Variants in LEMD2 observed in about 807,000 individuals in gnomAD.
LEMD2 encodes the protein LEM domain-containing protein 2.
In LEMD2, 34 loss-of-function variants were observed where a neutral mutation model predicts 58.8. The ratio of observed to expected loss-of-function variants is 0.58; its 90% CI spans 0.44 to 0.77. The LOEUF (loss-of-function observed/expected upper bound fraction) is 0.77, where lower values mean the gene tolerates loss of function less well. Among genes scored for constraint, LEMD2 ranks in the 30% least tolerant of loss-of-function variants. The pLI is 0.00. For missense variants in LEMD2, 629 were observed against 717.9 expected, an observed-to-expected ratio of 0.88 and a Z score of 1.42; for synonymous variants, 298 against 308.9, an observed-to-expected ratio of 0.96 and a Z score of 0.37.
intron 3 of LEMD2, among the ~76,000 whole-genome samples, chr6:33,782,756 G>A (rs1767593537): frequency 6.6e-6 from 1 of 152,230 alleles, no homozygotes; most frequent in Admixed American, 6.5e-5. Flanking sequence ...GGCAGGACCT[G>A]GAGCTGAGTC....
chr6:33,774,026 G>A (rs1321115963), intron 8 of LEMD2, among the ~76,000 whole-genome samples: 1 of 152,228 alleles, frequency 6.6e-6, no homozygotes, highest in Admixed American at 6.5e-5. Context: ...GCTAATGCAC[G>A]AAGGCTTGGG....
At chr6:33,780,248 T>C (rs1351815822) in intron 4 of LEMD2, 69 bp from the exon 5 acceptor site, 1 of 1,355,722 alleles carries the variant, frequency 7.4e-7, no homozygotes. Flanking sequence ...ATTCTGCTGC[T>C]GGATTAAGGA....
chr6:33,784,477 G>GGGGGGGGGGGGGGGCCCCCCC, intron 2 of LEMD2, 50 bp from the exon 3 acceptor site: 1 of 430,804 alleles, frequency 2.3e-6, no homozygotes, highest in Non-Finnish European at 4.8e-6. Flanking sequence ...GGTGGGAGGG[G>GGGGGGGGGGGGGGGCCCCCCC]TCCGTCTGTC....
At chr6:33,776,388 TG>T (rs1476987193) in intron 8 of LEMD2, among the ~76,000 whole-genome samples, 1 of 152,210 alleles carries the variant, frequency 6.6e-6, no homozygotes, top group Non-Finnish European at 1.5e-5. Flanking sequence ...TGGAGGCTAC[TG>T]GGAACATGTT....
intron 8 of LEMD2, among the ~76,000 whole-genome samples, chr6:33,774,975 T>TGAAG (rs1767395437): frequency 1.4e-5 from 1 of 70,560 alleles, no homozygotes; most frequent in African/African-American, 3.7e-5. Flanking sequence ...AGGAACTGAA[T>TGAAG]GAATGAATGA....
chr6:33,772,345 T>G lies in LEMD2; in HGVS notation c.*283A>C. On this transcript the variant is annotated 3_prime_UTR_variant, in exon 9 of 9. Transcript: ENST00000293760. Reference sequence around the variant, plus strand: ...TGGGCCTGACAGCTGCTGCTCTTGTTTTCTATTCATGAAAACTCAACCCTT... The same window carrying G: ...TGGGCCTGACAGCTGCTGCTCTTGTGTTCTATTCATGAAAACTCAACCCTT... 1 of 273,736 alleles carries G rather than the reference T, an allele frequency of 3.7e-6. No individual in the cohort carries two copies. The highest frequency in any genetic ancestry group is 5.2e-5 in the Admixed American group (1 of 19,134). The allele number at this position is 273,736 out of a possible 1,614,324, so 17.0% of individuals were successfully genotyped here.
intron 8 of LEMD2, among the ~76,000 whole-genome samples, chr6:33,775,949 C>CT (rs1767420493): frequency 6.6e-6 from 1 of 152,196 alleles, no homozygotes; most frequent in African/African-American, 2.4e-5. Context: ...CAGCAAGTGT[C>CT]TGCTAGGGAG....
intron 3 of LEMD2, among the ~76,000 whole-genome samples, chr6:33,782,506 C>T (rs1055682976): frequency 1.3e-5 from 2 of 152,252 alleles, no homozygotes; most frequent in Admixed American, 6.5e-5. Context: ...GATGTAATTT[C>T]CTGCCGCTTT....
chr6:33,786,326 A>G (rs1261253502), intron 2 of LEMD2, among the ~76,000 whole-genome samples: 1 of 152,238 alleles, frequency 6.6e-6, no homozygotes, highest in East Asian at 1.9e-4. Flanking sequence ...TCAGAGCCAC[A>G]GCTGCACCAC....
chr6:33,780,884 G>C (rs547927534), intron 4 of LEMD2, among the ~76,000 whole-genome samples, 193 bp downstream of exon 4: 3 of 152,256 alleles, frequency 2.0e-5, no homozygotes, highest in East Asian at 3.9e-4. Flanking sequence ...CCTGGCTCTG[G>C]GGCAGTCACT....
intron 3 of LEMD2, among the ~76,000 whole-genome samples, chr6:33,784,063 A>T (rs1351560703): frequency 2.0e-5 from 3 of 152,254 alleles, no homozygotes; most frequent in Non-Finnish European, 4.4e-5. Flanking sequence ...AGCATTAGGT[A>T]GTGGGCATCC....
Position 33,778,158 on chromosome 6 carries a change from G to A in LEMD2, c.1156+84C>T, listed in dbSNP as rs1767478913. The A allele has an allele frequency of 7.4e-7, 1 of 1,349,046 alleles. No homozygotes were observed. The allele number at this position is 1,349,046 out of a possible 1,614,324, so 83.6% of individuals were successfully genotyped here. The stretch of plus-strand genomic sequence containing the variant: ...CACTAGACAGAAATGAACCCTCCGG[G>A]CCTGGAATTTCTATAGCTCATCATT... On this transcript the variant is annotated intron_variant, in intron 6 of 8. Coordinates refer to ENST00000293760, the MANE Select transcript of LEMD2 (RefSeq NM_181336.4). This position sits in a 1 kb window ranked among gnomAD's most constrained non-coding sequence, Gnocchi z 4.7.
chr6:33,778,106 T>C lies in LEMD2; in HGVS notation c.1156+136A>G, dbSNP rs2127379532. ...GGCAGAGGCTGACTTGTTCATCTCCTCTGTTTTATGAGACAGACCTCAGGT... is the reference window on the plus strand; with the variant it reads ...GGCAGAGGCTGACTTGTTCATCTCCCCTGTTTTATGAGACAGACCTCAGGT... On this transcript the variant is annotated intron_variant, in intron 6 of 8. Transcript: ENST00000293760. The surrounding 1 kb of genome is among the most constrained non-coding windows in gnomAD (Gnocchi z 4.7). 1.3e-6 allele frequency: 1 copy of C among 780,922 alleles called. No homozygotes were observed. 48.4% of individuals were successfully genotyped at this position (780,922 alleles called of 1,614,324 possible).
Position 33,789,080 on chromosome 6 carries a change from G to C in LEMD2, c.37C>G (p.Leu13Val). 6.5e-7 allele frequency: 1 copy of C among 1,540,832 alleles called. No homozygotes were observed. ...GLSDLELRRELQALGFQPGPI... is the reference protein window; with the variant it reads ...GLSDLELRREVQALGFQPGPI... ...CCTGGCTGGAAGCCCAGGGCCTGCA[G>C]CTCCCGCCGCAGTTCCAGGTCCGAC... The change falls in exon 1 of 9, where the codon CTG becomes GTG. Residue 13 changes from leucine to valine, a missense_variant. By Grantham distance (32) the Leu-to-Val change is conservative. This residue lies in a region of LEMD2 where 386 missense variants were observed against 381.1 expected (regional missense o/e 1.01). Coordinates refer to ENST00000293760, the MANE Select transcript of LEMD2 (RefSeq NM_181336.4).
chr6:33,778,586 A>G lies in LEMD2; in HGVS notation c.1011-199T>C, dbSNP rs906334648. 17 of 412,236 alleles carry G rather than the reference A, an allele frequency of 4.1e-5. No homozygotes were observed. Among genetic ancestry groups the G allele is most frequent in the African/African-American group, 3.3e-4 (16 of 48,966 alleles). 25.5% of individuals were successfully genotyped at this position (412,236 alleles called of 1,614,324 possible). A position where few individuals can be genotyped will look rare whatever the true frequency, so the allele number is the denominator to read the frequency against. ...ACTTAGAATGAATAAAGCTTTAAAG[A>G]CGGCAGCAGGCTTGAACCCCTACCG... is the stretch of plus-strand genomic sequence containing the variant. On this transcript the variant is annotated intron_variant, in intron 5 of 8. Transcript: ENST00000293760. The surrounding 1 kb of genome is among the most constrained non-coding windows in gnomAD (Gnocchi z 4.7).
At chr6:33,779,335 G>A (rs1767512060) in intron 5 of LEMD2, 1 of 151,764 alleles carries the variant, frequency 6.6e-6, no homozygotes, top group Non-Finnish European at 1.5e-5. Context: ...GGAGCTGCCC[G>A]AGGGGCTTCT....
intron 2 of LEMD2, 181 bp from the exon 3 acceptor site, chr6:33,784,608 G>A: frequency 3.6e-6 from 2 of 562,508 alleles, no homozygotes; most frequent in Admixed American, 2.9e-5. Flanking sequence ...ATAAATATTG[G>A]GTTAACTGCC....
chr6:33,780,172 GT>G lies in LEMD2; in HGVS notation c.937del (p.Thr313ProfsTer12). ...MEAQEYIANV[T>X]SSSSAKFEAA... is the part of the protein sequence containing the mutation. ...TTCAAACTTGGCGGAGGAGCTGCTGGTCACATTCTGTGGGAGGGCGCGGGAG... is the reference window on the plus strand; with the variant it reads ...TTCAAACTTGGCGGAGGAGCTGCTGGCACATTCTGTGGGAGGGCGCGGGAG... On this transcript the variant is annotated frameshift_variant, in exon 5 of 9. Coordinates refer to ENST00000293760, the MANE Select transcript of LEMD2 (RefSeq NM_181336.4). LOFTEE classifies it high-confidence loss of function. 7 of 1,588,218 alleles carry G rather than the reference GT, an allele frequency of 4.4e-6. No homozygotes were observed. Among genetic ancestry groups the G allele is most frequent in the Non-Finnish European group, 6.0e-6 (7 of 1,166,002 alleles).
Position 33,777,054 on chromosome 6 carries a change from C to A in LEMD2, c.1261G>T (p.Val421Leu), listed in dbSNP as rs1193598200. Residue 421 changes from valine (V) to leucine (L), a missense_variant and splice_region_variant, in exon 8 of 9, where the codon GTG becomes TTG. Physicochemically the swap from Val to Leu is conservative, Grantham distance 32 (BLOSUM62 1). Around this residue, in one of 2 missense-constraint regions of LEMD2, gnomAD observed 243 missense variants for 336.8 expected, o/e 0.72. Transcript: ENST00000293760. Reference sequence around the variant, plus strand: ...CAGTCCACGTAATGGTCCTGGACCACGTCTGCAGGAGAGAGCACACCATTT... The same window carrying A: ...CAGTCCACGTAATGGTCCTGGACCAAGTCTGCAGGAGAGAGCACACCATTT... ...MYEMVKKIID[V>L]VQDHYVDWEQ... is the part of the protein sequence containing the mutation. 1.2e-6 allele frequency: 2 copies of A among 1,613,540 alleles called. No individual in the cohort carries two copies. Among genetic ancestry groups the A allele is most frequent in the East Asian group, 4.5e-5 (2 of 44,888 alleles).
Sources: gnomAD v4.1 joint callset for allele counts (sites outside exome capture counted in the v4.1 genomes callset) on GRCh38, gnomAD v4.1.1 for gene constraint, gnomAD v4.1.1 regional missense constraint, Gnocchi (gnomAD v3.1) non-coding constraint, MANE v1.5 for transcripts, NCBI Gene and HGNC (gene_info 2026-07-23, HGNC 2026-07-21) for gene names.